Variants in ARHGEF10L observed in about 807,000 individuals in gnomAD.
The protein encoded by ARHGEF10L is rho guanine nucleotide exchange factor 10-like protein.
In ARHGEF10L, 69 loss-of-function variants were observed where a neutral mutation model predicts 141.2. The observed-to-expected ratio is 0.49, with a 90% CI of 0.40 to 0.60. ARHGEF10L has a LOEUF of 0.60. Among genes scored for constraint, ARHGEF10L ranks in the 20% least tolerant of loss-of-function variants. The probability of loss-of-function intolerance (pLI) is 0.00; values close to 1 mark genes in which losing one functional copy is unlikely to be tolerated. For synonymous variants in ARHGEF10L, 711 were observed against 718.5 expected (o/e 0.99, Z 0.17); for missense variants, 1,482 against 1,734.3 (o/e 0.85, Z 2.58).
chr1:17,528,419 G>C, the ARHGEF10L span, among the ~76,000 whole-genome samples: 1 of 151,988 alleles, frequency 6.6e-6, no homozygotes, highest in Admixed American at 6.6e-5. Flanking sequence ...GTCTCACTGT[G>C]TTGCCCAGGC....
intron 25 of ARHGEF10L, among the ~76,000 whole-genome samples, chr1:17,663,934 A>G (rs986322384): frequency 1.1e-4 from 17 of 152,184 alleles, no homozygotes; most frequent in Admixed American, 1.1e-3. Flanking sequence ...CCCCTGGTGC[A>G]GAGTTAGTTC....
At position 17,595,407 on chromosome 1, in the gene ARHGEF10L, A is replaced by C. The variant is rs1570730810; in HGVS notation, c.258-6720A>C. Among the ~76,000 whole-genome samples the C allele has an allele frequency of 3.3e-5, 5 of 152,180 alleles. No individual in the cohort carries two copies. The South Asian group carries it at 1.0e-3, about 32-fold the overall frequency. On this transcript the variant is annotated intron_variant, in intron 4 of 28. Coordinates refer to ENST00000361221, the MANE Select transcript of ARHGEF10L (RefSeq NM_018125.4). ...GTCAGGGAGGGAGGTGCATTGCCAC[A>C]GAGCAGGAGGCCAGAGGCTGGGCTT... is the stretch of plus-strand genomic sequence containing the variant.
chr1:17,648,712 GTGGCTGCGGCTCCCCCTCGCC>G, intron 22 of ARHGEF10L, 37 bp downstream of exon 22: 1 of 1,599,982 alleles, frequency 6.3e-7, no homozygotes, highest in Non-Finnish European at 8.5e-7. Flanking sequence ...GACCTCGAAG[GTGGCTGCGGCTCCCCCTCGCC>G]TGGGAGAACC....
At chr1:17,543,090 C>T (rs921879464) in intron 1 of ARHGEF10L, among the ~76,000 whole-genome samples, 1 of 152,212 alleles carries the variant, frequency 6.6e-6, no homozygotes, top group East Asian at 1.9e-4. Context: ...TTCTTCTTCT[C>T]TCTACCTCAG....
At chr1:17,632,672 C>G (rs2060770082) in intron 16 of ARHGEF10L, among the ~76,000 whole-genome samples, 2 of 152,216 alleles carry the variant, frequency 1.3e-5, no homozygotes, top group South Asian at 4.1e-4. Flanking sequence ...CGGGGGCAGC[C>G]CTCAGCCTCG....
chr1:17,657,372 C>T (rs565311970), intron 25 of ARHGEF10L, among the ~76,000 whole-genome samples: 2 of 152,326 alleles, frequency 1.3e-5, no homozygotes, highest in East Asian at 1.9e-4. Flanking sequence ...GGAGACCAGA[C>T]GCACCTTCTC....
At chr1:17,616,758 G>T (rs1473984340) in intron 9 of ARHGEF10L, among the ~76,000 whole-genome samples, 1 of 152,208 alleles carries the variant, frequency 6.6e-6, no homozygotes, top group African/African-American at 2.4e-5. Context: ...GAGGAAATGA[G>T]GATGGACTTG....
chr1:17,596,766 C>G (rs780653835), intron 4 of ARHGEF10L, among the ~76,000 whole-genome samples: 1 of 152,194 alleles, frequency 6.6e-6, no homozygotes, highest in Non-Finnish European at 1.5e-5. Flanking sequence ...GGGGGCCCGG[C>G]GCGGTGGCTC....
chr1:17,670,232 C>T (rs918517515), intron 26 of ARHGEF10L, among the ~76,000 whole-genome samples: 5 of 152,244 alleles, frequency 3.3e-5, no homozygotes, highest in Non-Finnish European at 7.3e-5. Context: ...TGCTGGGCTG[C>T]CTTGACCTGT....
At chr1:17,688,254 G>GC (rs1195762613) in intron 27 of ARHGEF10L, among the ~76,000 whole-genome samples, 4 of 152,224 alleles carry the variant, frequency 2.6e-5, no homozygotes, top group Admixed American at 2.6e-4. Context: ...TGTGGCTGGG[G>GC]CCCCTCCTGC....
chr1:17,635,520 G>A (rs1320847538), intron 18 of ARHGEF10L, among the ~76,000 whole-genome samples: 2 of 152,202 alleles, frequency 1.3e-5, no homozygotes, highest in African/African-American at 2.4e-5. Context: ...GATGGGCCAT[G>A]CTCCCTCCCA....
chr1:17,553,332 C>T (rs1390551781), intron 1 of ARHGEF10L, among the ~76,000 whole-genome samples: 4 of 152,158 alleles, frequency 2.6e-5, no homozygotes. Flanking sequence ...GAATCTCTAC[C>T]AATTCTAATA....
chr1:17,657,540 G>C (rs545368612), intron 25 of ARHGEF10L, among the ~76,000 whole-genome samples: 2 of 152,186 alleles, frequency 1.3e-5, no homozygotes, highest in African/African-American at 4.8e-5. Flanking sequence ...TGCCTTTTCC[G>C]CCAGCCAGGC....
intron 1 of ARHGEF10L, among the ~76,000 whole-genome samples, chr1:17,570,635 C>T (rs754146818): frequency 2.6e-4 from 39 of 151,936 alleles, no homozygotes; most frequent in Admixed American, 4.6e-4. Context: ...AGGCTCTGAG[C>T]GGAGGATGAA....
At chr1:17,524,211 TGCA>T in the ARHGEF10L span, among the ~76,000 whole-genome samples, 1 of 151,040 alleles carries the variant, frequency 6.6e-6, no homozygotes, top group Non-Finnish European at 1.5e-5. Flanking sequence ...AGGTGGAGGT[TGCA>T]GTGAGCTGAG....
chr1:17,638,452 A>G, intron 19 of ARHGEF10L, 110 bp from the exon 20 acceptor site: 1 of 1,488,070 alleles, frequency 6.7e-7, no homozygotes, highest in Non-Finnish European at 9.1e-7. Flanking sequence ...AGGCTCCAGG[A>G]CTTCTTCAGT....
chr1:17,587,727 G>T, intron 3 of ARHGEF10L, 82 bp downstream of exon 3: 1 of 1,438,416 alleles, frequency 7.0e-7, no homozygotes, highest in Non-Finnish European at 9.3e-7. Context: ...TCTCAGGGAT[G>T]CCTGGTGGCC....
chr1:17,677,994 G>A (rs2063831938), intron 26 of ARHGEF10L, among the ~76,000 whole-genome samples: 3 of 152,146 alleles, frequency 2.0e-5, no homozygotes, highest in South Asian at 4.1e-4. Flanking sequence ...CCTCATGGGG[G>A]CTGCGGGTGA....
intron 23 of ARHGEF10L, among the ~76,000 whole-genome samples, chr1:17,655,297 C>T (rs2062158975): frequency 6.6e-6 from 1 of 151,790 alleles, no homozygotes; most frequent in Non-Finnish European, 1.5e-5. Flanking sequence ...TATCCATCCA[C>T]CCACCCACCT....
Sources: gnomAD v4.1 joint callset for allele counts (sites outside exome capture counted in the v4.1 genomes callset) on GRCh38, gnomAD v4.1.1 for gene constraint, MANE v1.5 for transcripts, NCBI Gene and HGNC (gene_info 2026-07-23, HGNC 2026-07-21) for gene names.